The following HIVEP3 variants were observed in gnomAD, a reference collection of about 807,000 sequenced individuals.
HIVEP3 encodes transcription factor HIVEP3.
Under a neutral mutation model 152.8 loss-of-function variants are expected in HIVEP3, and 49 were observed. The observed-to-expected ratio is 0.32, with a 90% CI of 0.26 to 0.41. The LOEUF (loss-of-function observed/expected upper bound fraction) is 0.41. Among genes scored for constraint, HIVEP3 ranks in the 10% least tolerant of loss-of-function variants. HIVEP3 has a pLI of 1.00. For synonymous variants in HIVEP3, 1,269 were observed against 1,289.0 expected (o/e 0.98, Z 0.33); for missense variants, 2,790 against 3,103.3 (o/e 0.90, Z 2.40).
intron 1 of HIVEP3, among the ~76,000 whole-genome samples, chr1:41,978,064 T>A (rs1645271068): frequency 6.6e-6 from 1 of 152,244 alleles, no homozygotes; most frequent in African/African-American, 2.4e-5. Context: ...TTCCTACTTT[T>A]TTTTCCCATT....
At chr1:41,811,097 A>AT (rs11307649) in intron 1 of HIVEP3, among the ~76,000 whole-genome samples, 3,406 of 145,034 alleles carry the variant, frequency 0.023, 106 homozygotes, top group African/African-American at 0.072. Context: ...CAATGACCAG[A>AT]TTTTTTTTTT....
chr1:41,545,618 T>TACCATCACCACCACCATCACC (rs1643767631), intron 5 of HIVEP3, among the ~76,000 whole-genome samples: 1 of 24,118 alleles, frequency 4.1e-5, no homozygotes, highest in Non-Finnish European at 9.6e-5. Context: ...TCACCACCAC[T>TACCATCACCACCACCATCACC]ACCATCACCA....
chr1:41,786,058 G>T (rs943533459), intron 1 of HIVEP3, among the ~76,000 whole-genome samples: 3 of 152,188 alleles, frequency 2.0e-5, no homozygotes, highest in African/African-American at 7.2e-5. Flanking sequence ...TGTAGTGAGG[G>T]AAAAAAAGAC....
At position 41,678,626 on chromosome 1, in the gene HIVEP3, C is replaced by T. The variant is rs1446244074; in HGVS notation, c.-721+22290G>A. ...CTGAGCAGTACCACTGTCTCCCACC[C>T]ATCCCCCACACATCAAAGCAACTTG... On this transcript the variant is annotated intron_variant, in intron 2 of 8. Coordinates refer to ENST00000372583, the MANE Select transcript of HIVEP3 (RefSeq NM_024503.5). 2.6e-5 allele frequency among the ~76,000 whole-genome samples: 4 copies of T among 151,420 alleles called. 1 individual carries two copies. Among genetic ancestry groups the T allele is most frequent in the South Asian group, 4.1e-4 (2 of 4,838 alleles).
intron 5 of HIVEP3, among the ~76,000 whole-genome samples, chr1:41,544,884 T>TG (rs1643671905): frequency 2.2e-4 from 1 of 4,518 alleles, no homozygotes; most frequent in Non-Finnish European, 5.1e-4. Flanking sequence ...CACTACCACC[T>TG]CTACCACCAC....
chr1:41,578,551 T>C (rs1434459031), intron 4 of HIVEP3, among the ~76,000 whole-genome samples: 1 of 152,254 alleles, frequency 6.6e-6, no homozygotes, highest in Non-Finnish European at 1.5e-5. Context: ...TGTGCTCACT[T>C]ATCTACAATA....
intron 1 of HIVEP3, among the ~76,000 whole-genome samples, chr1:41,810,945 T>C (rs577598623): frequency 1.3e-5 from 2 of 152,254 alleles, no homozygotes; most frequent in Admixed American, 1.3e-4. Context: ...CCTTTGGATC[T>C]TGCCTGTCCT....
In HIVEP3 at chr1:41,917,998, G is replaced by GC. The variant is rs200025009; in HGVS notation, c.-801+414dup. ...CGGTGCCACGGAACGCGATGCCTAAGCCCCCCAGCCGAGGCTCCTATGGAG... is the reference window on the plus strand; with the variant it reads ...CGGTGCCACGGAACGCGATGCCTAAGCCCCCCCAGCCGAGGCTCCTATGGAG... On this transcript the variant is annotated intron_variant, in intron 1 of 8. Coordinates refer to ENST00000372583, the MANE Select transcript of HIVEP3 (RefSeq NM_024503.5). Among the ~76,000 whole-genome samples, 964 of 152,312 alleles carry GC rather than the reference G, an allele frequency of 6.3e-3. 15 individuals are homozygous for GC. Among genetic ancestry groups the GC allele is most frequent in the Admixed American group, 0.032 (488 of 15,302 alleles).
intron 1 of HIVEP3, among the ~76,000 whole-genome samples, chr1:42,014,202 T>C (rs1645508590): frequency 6.6e-6 from 1 of 152,150 alleles, no homozygotes; most frequent in South Asian, 2.1e-4. Context: ...TACATGTCCC[T>C]TCCCAGCTGG....
chr1:41,540,500 G>T (rs1243416225), intron 5 of HIVEP3, among the ~76,000 whole-genome samples: 2 of 152,188 alleles, frequency 1.3e-5, no homozygotes, highest in Non-Finnish European at 2.9e-5. Flanking sequence ...TCAGACCCCA[G>T]AGTTACTCCA....
At position 41,584,185 on chromosome 1, in the gene HIVEP3, T is replaced by A; in HGVS notation, c.613A>T (p.Ser205Cys). The change falls in exon 4 of 9, where the codon AGC (serine) becomes TGC (cysteine). Residue 205 changes from serine to cysteine, a missense_variant. Ser to Cys is a moderately radical substitution (Grantham distance 112, BLOSUM62 -1). Transcript: ENST00000372583. This position sits in a 1 kb window ranked among gnomAD's most constrained non-coding sequence, Gnocchi z 5.2. Reference protein sequence around the residue: ...QYCSRPCAKPSVLQKHIRSHT... With the variant: ...QYCSRPCAKPCVLQKHIRSHT... ...GAGCGAATGTGCTTCTGGAGCACGC[T>A]GGGCTTGGCACAGGGCCGGCTGCAG... is the stretch of plus-strand genomic sequence containing the variant. 6.2e-7 allele frequency: 1 copy of A among 1,614,212 alleles called. No homozygotes were observed. Among genetic ancestry groups the A allele is most frequent in the Non-Finnish European group, 8.5e-7 (1 of 1,180,036 alleles).
chr1:41,680,783 G>A (rs1342492006), intron 2 of HIVEP3, among the ~76,000 whole-genome samples: 6 of 152,188 alleles, frequency 3.9e-5, no homozygotes, highest in African/African-American at 1.4e-4. Context: ...TTGTACACTT[G>A]AAATTTTGTT....
chr1:41,871,010 G>A (rs783429), intron 1 of HIVEP3, among the ~76,000 whole-genome samples: 119,207 of 152,220 alleles, frequency 0.78, 47,030 homozygotes, highest in East Asian at 1. Flanking sequence ...TGCCTGGCAC[G>A]TGCTAAGTAC....
At chr1:42,030,050 C>T (rs996842320) in intron 1 of HIVEP3, among the ~76,000 whole-genome samples, 1 of 152,116 alleles carries the variant, frequency 6.6e-6, no homozygotes, top group African/African-American at 2.4e-5. Flanking sequence ...CTTTCTCCCA[C>T]CCGACCCTGC....
At chr1:41,661,562 G>A (rs1182163443) in intron 2 of HIVEP3, among the ~76,000 whole-genome samples, 6 of 152,224 alleles carry the variant, frequency 3.9e-5, no homozygotes, top group African/African-American at 1.4e-4. Flanking sequence ...ATTATGCCGG[G>A]AGGAGGGGCT....
intron 1 of HIVEP3, among the ~76,000 whole-genome samples, chr1:41,702,127 T>C (rs1646371852): frequency 6.6e-6 from 1 of 152,046 alleles, no homozygotes; most frequent in African/African-American, 2.4e-5. Flanking sequence ...GTAGAAAGCA[T>C]CCAGGTAAGG....
chr1:41,947,999 A>C (rs1051726069), intron 1 of HIVEP3, among the ~76,000 whole-genome samples: 5 of 152,270 alleles, frequency 3.3e-5, no homozygotes, highest in African/African-American at 1.2e-4. Context: ...GCACTTGTGC[A>C]ACTCTTAACC....
intron 5 of HIVEP3, among the ~76,000 whole-genome samples, chr1:41,562,623 C>CCCTA (rs1644091411): frequency 1.4e-5 from 1 of 71,664 alleles, no homozygotes; most frequent in Non-Finnish European, 3.7e-5. Context: ...CTCTCTCTCT[C>CCCTA]TCTCTCTCTC....
intron 1 of HIVEP3, among the ~76,000 whole-genome samples, chr1:41,750,615 C>A (rs995517135): frequency 6.6e-6 from 1 of 152,166 alleles, no homozygotes; most frequent in African/African-American, 2.4e-5. Flanking sequence ...AGGCTTCCCA[C>A]CTGCAGTTAC....
Sources: allele counts gnomAD v4.1 joint callset (sites outside exome capture counted in the v4.1 genomes callset), GRCh38; gene constraint gnomAD v4.1.1; non-coding constraint Gnocchi (gnomAD v3.1); transcripts MANE v1.5; gene names NCBI Gene and HGNC (gene_info 2026-07-23, HGNC 2026-07-21).